The following SF3B3 variants were observed in gnomAD, a reference collection of about 807,000 sequenced individuals.
SF3B3 encodes the protein splicing factor 3b subunit 3.
Under a neutral mutation model 139.2 loss-of-function variants are expected in SF3B3, and 33 were observed. That is an observed-to-expected ratio of 0.24 (90% CI 0.18 to 0.32). SF3B3 has a LOEUF of 0.32. SF3B3 is among the 10% of genes least tolerant of loss of function. SF3B3 has a pLI of 1.00. For missense variants in SF3B3, 818 were observed against 1,509.4 expected, an observed-to-expected ratio of 0.54 and a Z score of 7.59; for synonymous variants, 596 against 563.6, an observed-to-expected ratio of 1.06 and a Z score of -0.81.
intron 4 of SF3B3, among the ~76,000 whole-genome samples, chr16:70,531,706 C>G (rs1380565339): frequency 6.6e-6 from 1 of 152,218 alleles, no homozygotes; most frequent in African/African-American, 2.4e-5. Context: ...AGTAATCTCC[C>G]TATGGAAACA....
intron 17 of SF3B3, 71 bp downstream of exon 17, chr16:70,561,855 G>C: frequency 4.4e-6 from 6 of 1,379,058 alleles, no homozygotes; most frequent in Non-Finnish European, 6.1e-6. Context: ...TTCTGCCAGA[G>C]TGTTGGAGGA....
At chr16:70,560,834 A>C (rs187892486) in intron 16 of SF3B3, among the ~76,000 whole-genome samples, 333 of 152,244 alleles carry the variant, frequency 2.2e-3, no homozygotes, top group Non-Finnish European at 3.5e-3. Flanking sequence ...TGGCTGGTCA[A>C]ATAGGGCTGG....
Position 70,544,310 on chromosome 16 carries a change from CTT to C in SF3B3, c.1234-125_1234-124del, listed in dbSNP as rs997804424. 67 of 636,150 alleles carry C rather than the reference CTT, an allele frequency of 1.1e-4. No individual in the cohort carries two copies. In the African/African-American group the frequency reaches 1.1e-3, roughly 11 times the overall value. 39.4% of individuals were successfully genotyped at this position (636,150 alleles called of 1,614,324 possible). On this transcript the variant is annotated intron_variant, in intron 9 of 25. Coordinates refer to ENST00000302516, the MANE Select transcript of SF3B3 (RefSeq NM_012426.5). The stretch of plus-strand genomic sequence containing the variant: ...AAACTACAATACAGATCATTCACCT[CTT>C]TTCACATATTGATCAGCAGATAATT...
At chr16:70,571,595 A>C (rs2050530093) in intron 25 of SF3B3, 78 bp from the exon 26 acceptor site, 2 of 1,476,118 alleles carry the variant, frequency 1.4e-6, no homozygotes, top group Non-Finnish European at 1.8e-6. Context: ...AGCTTTCCCT[A>C]CAAGTGCTGC....
At chr16:70,527,303 T>C (rs1032313379) in intron 2 of SF3B3, among the ~76,000 whole-genome samples, 1 of 152,230 alleles carries the variant, frequency 6.6e-6, no homozygotes, top group Admixed American at 6.5e-5. Context: ...AAATATTGGA[T>C]TAGGAAATAC....
intron 22 of SF3B3, 62 bp from the exon 23 acceptor site, chr16:70,568,981 C>T: frequency 8.1e-7 from 1 of 1,227,568 alleles, no homozygotes; most frequent in Non-Finnish European, 1.2e-6. Flanking sequence ...AGACCTGTTG[C>T]TTGGTGACTC....
At chr16:70,540,563 G>A (rs1274452710) in intron 8 of SF3B3, among the ~76,000 whole-genome samples, 1 of 151,938 alleles carries the variant, frequency 6.6e-6, no homozygotes, top group Non-Finnish European at 1.5e-5. Flanking sequence ...GCTAATATAT[G>A]TATTTCTTGT....
chr16:70,540,559 A>G (rs747739239), intron 8 of SF3B3, among the ~76,000 whole-genome samples: 23 of 152,144 alleles, frequency 1.5e-4, no homozygotes, highest in East Asian at 1.9e-4. Context: ...CCTGGCTAAT[A>G]TATGTATTTC....
chr16:70,530,166 A>ATAAG (rs1567409067), intron 3 of SF3B3, among the ~76,000 whole-genome samples: 1 of 147,364 alleles, frequency 6.8e-6, no homozygotes, highest in African/African-American at 2.5e-5. Context: ...AAATAAATAA[A>ATAAG]TAAATAAGAG....
At chr16:70,548,704 A>C (rs1597715843) in intron 11 of SF3B3, among the ~76,000 whole-genome samples, 1 of 152,184 alleles carries the variant, frequency 6.6e-6, no homozygotes, top group Non-Finnish European at 1.5e-5. Flanking sequence ...AGAGCTGTCA[A>C]ATGTGGTATT....
Position 70,569,060 on chromosome 16 carries a change from C to T in SF3B3, c.3183C>T (p.Asn1061=), listed in dbSNP as rs1352520917. The T allele has an allele frequency of 6.2e-7, 1 of 1,610,600 alleles. No homozygotes were observed. Among genetic ancestry groups the T allele is most frequent in the African/African-American group, 1.3e-5 (1 of 74,856 alleles). ...GNICVVRLPP[N]TNDEVDEDPT... The stretch of plus-strand genomic sequence containing the variant: ...CCTTGTAGGTGAGGCTCCCACCTAA[C>T]ACCAATGATGAAGTAGATGAGGATC... The change falls in exon 23 of 26, where the codon AAC becomes AAT. Residue 1061 remains asparagine, a synonymous_variant. Transcript: ENST00000302516.
chr16:70,529,331 G>C, intron 3 of SF3B3, 132 bp downstream of exon 3: 1 of 702,016 alleles, frequency 1.4e-6, no homozygotes, highest in Non-Finnish European at 2.3e-6. Context: ...TAGGTTTAAA[G>C]TTGCATTTCC....
intron 6 of SF3B3, 35 bp downstream of exon 6, chr16:70,535,455 G>GT: frequency 7.7e-7 from 1 of 1,300,980 alleles, no homozygotes; most frequent in Non-Finnish European, 1.1e-6. Flanking sequence ...AGAGATTTGT[G>GT]TTTAATTTTT....
At chr16:70,548,276 C>T in intron 10 of SF3B3, 94 bp from the exon 11 acceptor site, 2 of 1,005,308 alleles carry the variant, frequency 2.0e-6, no homozygotes, top group Non-Finnish European at 3.2e-6. Context: ...ACGTTGTGAA[C>T]CCTGCCTTTG....
At chr16:70,554,953 C>T in intron 12 of SF3B3, 98 bp from the exon 13 acceptor site, 2 of 1,188,562 alleles carry the variant, frequency 1.7e-6, no homozygotes, top group Non-Finnish European at 2.4e-6. Flanking sequence ...GCAGTGGCCC[C>T]AGGTCTGATT....
At chr16:70,554,151 AT>A in intron 11 of SF3B3, 1 of 253,106 alleles carries the variant, frequency 4.0e-6, no homozygotes, top group Non-Finnish European at 7.7e-6. Context: ...ATGTATCAAT[AT>A]TGTAGTATTT....
rs1003491373 is a variant in SF3B3 at position 70,534,650 on chromosome 16, A to G, written c.713-658A>G. On this transcript the variant is annotated intron_variant, in intron 5 of 25. Transcript: ENST00000302516. ...TGAGTTTGTTTATGAACATGCTGTT[A>G]CTTTATTTTATTTTTATTTTATTTA... 3.3e-5 allele frequency among the ~76,000 whole-genome samples: 5 copies of G among 152,144 alleles called. No homozygotes were observed. In the South Asian group the frequency reaches 1.0e-3, roughly 32 times the overall value.
chr16:70,538,534 G>GT, intron 7 of SF3B3, 74 bp downstream of exon 7: 1 of 1,326,384 alleles, frequency 7.5e-7, no homozygotes, highest in South Asian at 1.4e-5. Flanking sequence ...TACTTTACAA[G>GT]TTAAAAAAAT....
chr16:70,536,674 A>G (rs1361676940), intron 6 of SF3B3, among the ~76,000 whole-genome samples: 4 of 151,468 alleles, frequency 2.6e-5, no homozygotes, highest in Non-Finnish European at 4.4e-5. Flanking sequence ...TGTATTTTTA[A>G]TAGAGACGGG....
Sources: allele counts gnomAD v4.1 joint callset (sites outside exome capture counted in the v4.1 genomes callset), GRCh38; gene constraint gnomAD v4.1.1; transcripts MANE v1.5; gene names NCBI Gene and HGNC (gene_info 2026-07-23, HGNC 2026-07-21).